Variants in ZC3H12D observed in about 807,000 individuals in gnomAD.
The protein encoded by ZC3H12D is probable ribonuclease ZC3H12D.
ZC3H12D carries 11 observed loss-of-function variants against 24.2 expected under a neutral mutation model. That is an observed-to-expected ratio of 0.46 (90% confidence interval 0.29 to 0.75). The LOEUF is 0.75. ZC3H12D is among the 30% of genes least tolerant of loss of function. The pLI, the probability that ZC3H12D is intolerant of heterozygous loss-of-function variation, is 0.11. For synonymous variants in ZC3H12D, 333 were observed against 341.8 expected (o/e 0.97, Z 0.28); for missense variants, 740 against 767.7 (o/e 0.96, Z 0.43).
At chr6:149,481,451 T>C (rs1459869156) in intron 1 of ZC3H12D, among the ~76,000 whole-genome samples, 13 of 151,160 alleles carry the variant, frequency 8.6e-5, no homozygotes, top group Non-Finnish European at 1.9e-4. Flanking sequence ...CTCGGCTCAC[T>C]GCAACCTCCA....
At chr6:149,479,959 C>T (rs1339186) in intron 1 of ZC3H12D, among the ~76,000 whole-genome samples, 5,641 of 152,006 alleles carry the variant, frequency 0.037, 261 homozygotes, top group South Asian at 0.1. Flanking sequence ...TCTCGAAGTC[C>T]CCTTTCACTC....
chr6:149,451,400 G>C lies in ZC3H12D; in HGVS notation c.867C>G (p.Asp289Glu), dbSNP rs775114633. The change falls in exon 6 of 6, where the codon GAC (aspartate) becomes GAG (glutamate). Residue 289 changes from aspartate (D) to glutamate (E), a missense_variant. Physicochemically the swap from Asp to Glu is conservative, Grantham distance 45. Transcript: ENST00000409806. ...RPHHAQLAVADELRAKTGARP... is the reference protein window; with the variant it reads ...RPHHAQLAVAEELRAKTGARP... ...GGGCCCCTGTCTTGGCGCGGAGCTC[G>C]TCGGCCACCGCCAGTTGCGCGTGGT... 1 of 1,564,728 alleles carries C rather than the reference G, an allele frequency of 6.4e-7. No individual in the cohort carries two copies.
intron 4 of ZC3H12D, among the ~76,000 whole-genome samples, chr6:149,453,332 C>T (rs570049545): frequency 2.0e-5 from 3 of 151,434 alleles, no homozygotes; most frequent in South Asian, 2.1e-4. Flanking sequence ...CCGAGCTTCG[C>T]GCAAGACCTG....
At chr6:149,478,029 T>TG (rs1776368327) in intron 1 of ZC3H12D, among the ~76,000 whole-genome samples, 1 of 151,974 alleles carries the variant, frequency 6.6e-6, no homozygotes, top group African/African-American at 2.4e-5. Context: ...TAGCTGGGCA[T>TG]GGTGGGGTGC....
rs1046811789 is a variant in ZC3H12D, at chr6:149,447,208, G to C, written c.*3475C>G. ...GGTGGAACAACACAGAACTGCGGCT[G>C]CTGAGACTGGCCACAACCTCAGTCT... On this transcript the variant is annotated 3_prime_UTR_variant, in exon 6 of 6. Coordinates refer to ENST00000409806, the MANE Select transcript of ZC3H12D (RefSeq NM_207360.3). 6.6e-6 allele frequency: 1 copy of C among 152,378 alleles called. No individual in the cohort carries two copies. Among genetic ancestry groups the C allele is most frequent in the South Asian group, 2.1e-4 (1 of 4,834 alleles). The allele number at this position is 152,378 out of a possible 1,614,324, so 9.4% of individuals were successfully genotyped here.
chr6:149,472,549 G>T (rs1011506494), intron 2 of ZC3H12D, among the ~76,000 whole-genome samples: 1 of 145,224 alleles, frequency 6.9e-6, no homozygotes, highest in Non-Finnish European at 1.5e-5. Context: ...GAGAGGTGGG[G>T]GGCAGAGGTG....
chr6:149,461,786 G>C, intron 3 of ZC3H12D, 45 bp downstream of exon 3: 1 of 1,522,622 alleles, frequency 6.6e-7, no homozygotes, highest in East Asian at 2.5e-5. Flanking sequence ...GTGCACCAAG[G>C]AAACGTGTCT....
intron 3 of ZC3H12D, among the ~76,000 whole-genome samples, chr6:149,460,456 G>A (rs1056111204): frequency 2.0e-5 from 3 of 152,194 alleles, no homozygotes; most frequent in Non-Finnish European, 4.4e-5. Flanking sequence ...AGCACTTTGG[G>A]AGGCCAAGGC....
chr6:149,482,720 G>A (rs888970947), intron 1 of ZC3H12D, among the ~76,000 whole-genome samples: 9 of 152,132 alleles, frequency 5.9e-5, no homozygotes, highest in African/African-American at 1.7e-4. Flanking sequence ...AGGAGTAGGC[G>A]GAGACGTGGC....
In ZC3H12D at chr6:149,471,219, C is replaced by T. The variant is rs147616188; in HGVS notation, c.305+3020G>A. On this transcript the variant is annotated intron_variant, in intron 2 of 5. Coordinates refer to ENST00000409806, the MANE Select transcript of ZC3H12D (RefSeq NM_207360.3). ...CAGGTCTTCTGGGTTCAGCCAAGCA[C>T]GACCAATGGCATTGGGCTAAACATT... Among the ~76,000 whole-genome samples the T allele has an allele frequency of 1.4e-3, 212 of 152,336 alleles. 1 individual carries two copies. The highest frequency in any genetic ancestry group is 4.9e-3 in the African/African-American group (203 of 41,566).
At chr6:149,459,608 A>AACG in intron 3 of ZC3H12D, 2 of 686,316 alleles carry the variant, frequency 2.9e-6, no homozygotes, top group Non-Finnish European at 5.4e-6. Context: ...GATGACTAAC[A>AACG]GGTGAGCTGA....
At chr6:149,484,324 A>T (rs1776468635) in intron 1 of ZC3H12D, among the ~76,000 whole-genome samples, 1 of 152,230 alleles carries the variant, frequency 6.6e-6, no homozygotes, top group African/African-American at 2.4e-5. Flanking sequence ...AAGAGATGCT[A>T]CCAAAAGTTC....
At position 149,451,408 on chromosome 6, in the gene ZC3H12D, C is replaced by A; in HGVS notation, c.859G>T (p.Val287Leu). The A allele has an allele frequency of 6.4e-7, 1 of 1,569,512 alleles. No homozygotes were observed. Among genetic ancestry groups the A allele is most frequent in the Non-Finnish European group, 8.6e-7 (1 of 1,168,182 alleles). ...PERPHHAQLA[V>L]ADELRAKTGA... The stretch of plus-strand genomic sequence containing the variant: ...GTCTTGGCGCGGAGCTCGTCGGCCA[C>A]CGCCAGTTGCGCGTGGTGCGGCCTC... Residue 287 changes from valine (V) to leucine (L), a missense_variant, in exon 6 of 6, where the codon GTG (valine) becomes TTG (leucine). Physicochemically the swap from Val to Leu is conservative, Grantham distance 32. Coordinates refer to ENST00000409806, the MANE Select transcript of ZC3H12D (RefSeq NM_207360.3).
At chr6:149,464,272 C>T (rs768209638) in intron 2 of ZC3H12D, among the ~76,000 whole-genome samples, 2 of 152,188 alleles carry the variant, frequency 1.3e-5, no homozygotes, top group Non-Finnish European at 2.9e-5. Context: ...CCAAACGCTG[C>T]TCCAAGTGAC....
chr6:149,474,045 G>A (rs76191974), intron 2 of ZC3H12D, among the ~76,000 whole-genome samples, 194 bp downstream of exon 2: 1,576 of 152,250 alleles, frequency 0.01, 36 homozygotes, highest in African/African-American at 0.036. Context: ...CCGTACAGAT[G>A]GGAAAAATGA....
At chr6:149,461,764 T>C (rs1562473707) in intron 3 of ZC3H12D, 67 bp downstream of exon 3, 1 of 1,461,696 alleles carries the variant, frequency 6.8e-7, no homozygotes, top group South Asian at 1.3e-5. Context: ...TATTTGACTA[T>C]CGATGTTAGA....
intron 5 of ZC3H12D, 91 bp from the exon 6 acceptor site, chr6:149,451,570 G>C: frequency 2.6e-6 from 3 of 1,170,536 alleles, no homozygotes; most frequent in Non-Finnish European, 3.4e-6. Flanking sequence ...GTGCCGGCCC[G>C]CGGCCTCTCC....
intron 1 of ZC3H12D, among the ~76,000 whole-genome samples, chr6:149,477,978 C>T (rs1216261600): frequency 3.3e-5 from 5 of 151,736 alleles, no homozygotes; most frequent in Non-Finnish European, 5.9e-5. Flanking sequence ...ACCAGCCTGG[C>T]CAATATAGAG....
intron 1 of ZC3H12D, among the ~76,000 whole-genome samples, chr6:149,475,333 G>C (rs1776318515): frequency 6.6e-6 from 1 of 152,216 alleles, no homozygotes. Flanking sequence ...TCTACTCCCA[G>C]AAAGGCAGTG....
Sources: allele counts gnomAD v4.1 joint callset (sites outside exome capture counted in the v4.1 genomes callset), GRCh38; gene constraint gnomAD v4.1.1; transcripts MANE v1.5; gene names NCBI Gene and HGNC (gene_info 2026-07-23, HGNC 2026-07-21).